The following ADGRL3 variants were observed in gnomAD, a reference collection of about 807,000 sequenced individuals.
ADGRL3 encodes the protein calcium-independent alpha-latrotoxin receptor 3.
ADGRL3 carries 62 observed loss-of-function variants against 153.5 expected under a neutral mutation model. That is an observed-to-expected ratio of 0.40 (90% CI 0.33 to 0.50). The LOEUF is 0.50. ADGRL3 is among the 20% of genes least tolerant of loss of function. The pLI is 0.47. For synonymous variants in ADGRL3, 710 were observed against 672.5 expected (o/e 1.06, Z -0.86); for missense variants, 1,641 against 1,859.4 (o/e 0.88, Z 2.16).
intron 5 of ADGRL3, among the ~76,000 whole-genome samples, chr4:61,598,984 C>G (rs1019665270): frequency 1.5e-4 from 23 of 152,128 alleles, no homozygotes; most frequent in African/African-American, 5.6e-4. Context: ...TTAGCTTTTG[C>G]TCTCTGAAGG....
At position 61,455,773 on chromosome 4, in the gene ADGRL3, A is replaced by T. The variant is rs1021032903; in HGVS notation, c.-173-41348A>T. 3.3e-5 allele frequency among the ~76,000 whole-genome samples: 5 copies of T among 152,120 alleles called. No individual in the cohort carries two copies. The East Asian group carries it at 9.6e-4, about 29-fold the overall frequency. On this transcript the variant is annotated intron_variant, in intron 2 of 26. Coordinates refer to ENST00000683033, the MANE Select transcript of ADGRL3 (RefSeq NM_001387552.1). ...TGTATTCTATTCCTTACCTGATTCT[A>T]AAGTAAGAATAAATGTTCTCAGAGA...
At position 61,200,714 on chromosome 4, in the gene ADGRL3, G is replaced by GT. The variant is rs1734388098; in HGVS notation, c.-1290dup. On this transcript the variant is annotated 5_prime_UTR_variant, in exon 1 of 27. Coordinates refer to ENST00000683033, the MANE Select transcript of ADGRL3 (RefSeq NM_001387552.1). ...GGAGCTCGCTCGTGTGTGCGCGTGT[G>GT]TGAGTGTGCGTGTCTGGAGAGCGCC... Among the ~76,000 whole-genome samples the GT allele has an allele frequency of 6.6e-6, 1 of 152,098 alleles. No individual in the cohort carries two copies. The highest frequency in any genetic ancestry group is 2.1e-4 in the South Asian group (1 of 4,832).
intron 5 of ADGRL3, among the ~76,000 whole-genome samples, chr4:61,671,131 A>G (rs1466369239): frequency 6.6e-6 from 1 of 152,166 alleles, no homozygotes; most frequent in East Asian, 1.9e-4. Flanking sequence ...TGAAATTAGC[A>G]GGAAAAAATA....
intron 3 of ADGRL3, among the ~76,000 whole-genome samples, chr4:61,504,899 G>A (rs956595861): frequency 5.3e-5 from 8 of 152,082 alleles, no homozygotes; most frequent in African/African-American, 1.7e-4. Context: ...TGGCCATTCT[G>A]AATAGCGTTG....
intron 1 of ADGRL3, among the ~76,000 whole-genome samples, chr4:61,362,001 CA>C (rs2096290324): frequency 6.8e-6 from 1 of 147,968 alleles, no homozygotes; most frequent in Non-Finnish European, 1.5e-5. Flanking sequence ...TATATAAATA[CA>C]TATATTTTTT....
In ADGRL3 at chr4:61,874,789, C is replaced by CTTTTTTTTTT. The variant is rs11432355; in HGVS notation, c.1481-17846_1481-17837dup. On this transcript the variant is annotated intron_variant, in intron 9 of 26. Coordinates refer to ENST00000683033, the MANE Select transcript of ADGRL3 (RefSeq NM_001387552.1). ...ATATTTTCAACGACATCAAAATGCT[C>CTTTTTTTTTT]TTTTTTTTTTTTTTTTTTTTTTTTT... Among the ~76,000 whole-genome samples the CTTTTTTTTTT allele has an allele frequency of 1.1e-4, 7 of 61,516 alleles. 1 individual carries two copies. The highest frequency in any genetic ancestry group is 7.1e-4 in the South Asian group (1 of 1,402). The allele number at this position is 61,516 out of a possible 152,430, so 40.4% of individuals were successfully genotyped here.
chr4:61,548,635 TTGTC>T (rs1355208268), intron 4 of ADGRL3, among the ~76,000 whole-genome samples: 1 of 152,048 alleles, frequency 6.6e-6, no homozygotes, highest in African/African-American at 2.4e-5. Flanking sequence ...ACTGGTCTAT[TTGTC>T]TGTCTTTGTA....
intron 4 of ADGRL3, among the ~76,000 whole-genome samples, chr4:61,576,270 G>A (rs1169866722): frequency 6.6e-6 from 1 of 151,838 alleles, no homozygotes; most frequent in Non-Finnish European, 1.5e-5. Context: ...CACTCAAAAG[G>A]TCTTCACTAG....
chr4:61,527,248 A>C (rs1034803194), intron 4 of ADGRL3, among the ~76,000 whole-genome samples: 4 of 152,080 alleles, frequency 2.6e-5, no homozygotes, highest in Non-Finnish European at 5.9e-5. Context: ...CTAATGCTTA[A>C]AAATTTCATT....
chr4:61,490,985 A>G (rs1359593512), intron 2 of ADGRL3, among the ~76,000 whole-genome samples: 1 of 152,114 alleles, frequency 6.6e-6, no homozygotes, highest in Non-Finnish European at 1.5e-5. Flanking sequence ...CTGAGTTCAA[A>G]CTCCTTTAAA....
intron 5 of ADGRL3, among the ~76,000 whole-genome samples, chr4:61,663,736 C>G (rs1276521108): frequency 6.6e-6 from 1 of 152,176 alleles, no homozygotes; most frequent in Non-Finnish European, 1.5e-5. Flanking sequence ...TTTTCTCTTT[C>G]AACTAAACTT....
intron 8 of ADGRL3, among the ~76,000 whole-genome samples, chr4:61,786,654 T>A (rs2152412125): frequency 6.6e-6 from 1 of 152,296 alleles, no homozygotes; most frequent in African/African-American, 2.4e-5. Context: ...TAGGACATCA[T>A]ATTGGAAAGG....
At chr4:61,869,614 AAAAC>A (rs1195938330) in intron 9 of ADGRL3, among the ~76,000 whole-genome samples, 2 of 151,822 alleles carry the variant, frequency 1.3e-5, no homozygotes, top group Non-Finnish European at 2.9e-5. Context: ...CAAAAAAAGA[AAAAC>A]AAAACAAAAC....
chr4:61,345,858 A>C (rs2095890284), intron 1 of ADGRL3, among the ~76,000 whole-genome samples: 1 of 152,164 alleles, frequency 6.6e-6, no homozygotes, highest in Non-Finnish European at 1.5e-5. Context: ...CAGTCTATAA[A>C]ATTTGCATGA....
chr4:61,775,313 A>G (rs531310466), intron 8 of ADGRL3: 1 of 305,996 alleles, frequency 3.3e-6, no homozygotes, highest in South Asian at 3.7e-5. Context: ...ATAATGTTCT[A>G]GAGTTAAGAA....
chr4:61,627,245 C>CA (rs1004487508), intron 5 of ADGRL3, among the ~76,000 whole-genome samples: 8 of 151,520 alleles, frequency 5.3e-5, no homozygotes, highest in Admixed American at 3.9e-4. Context: ...GTAGCTTGTG[C>CA]AAAAAAAATA....
At chr4:61,982,267 T>C (rs2099071067) in intron 18 of ADGRL3, among the ~76,000 whole-genome samples, 1 of 152,182 alleles carries the variant, frequency 6.6e-6, no homozygotes, top group African/African-American at 2.4e-5. Context: ...ATGATTGATA[T>C]GAAAAACATG....
intron 17 of ADGRL3, among the ~76,000 whole-genome samples, chr4:61,971,449 T>C (rs1462173741): frequency 1.3e-5 from 2 of 152,248 alleles, no homozygotes; most frequent in East Asian, 3.9e-4. Flanking sequence ...AGAATGATGA[T>C]TTCCAATTTC....
chr4:61,484,936 A>T (rs1560712303), intron 2 of ADGRL3, among the ~76,000 whole-genome samples: 1 of 152,188 alleles, frequency 6.6e-6, no homozygotes, highest in Non-Finnish European at 1.5e-5. Flanking sequence ...TATTTTCAAA[A>T]TGTGTCTTTG....
Sources: allele counts gnomAD v4.1 joint callset (sites outside exome capture counted in the v4.1 genomes callset), GRCh38; gene constraint gnomAD v4.1.1; transcripts MANE v1.5; gene names NCBI Gene and HGNC (gene_info 2026-07-23, HGNC 2026-07-21).